The following ANHX variants were observed in gnomAD, a reference collection of about 807,000 sequenced individuals.
ANHX encodes anomalous homeobox.
A neutral mutation model predicts 38.9 loss-of-function variants in ANHX; 20 were observed. The ratio of observed to expected loss-of-function variants is 0.51; its 90% confidence interval spans 0.36 to 0.75. ANHX has a LOEUF of 0.75. ANHX is among the 30% of genes least tolerant of loss of function. The pLI is 0.00. For missense variants in ANHX, 475 were observed against 493.1 expected (o/e 0.96, Z 0.35); for synonymous variants, 185 against 203.1 (o/e 0.91, Z 0.76).
intron 8 of ANHX, among the ~76,000 whole-genome samples, chr12:133,219,650 C>A (rs1198630714): frequency 6.6e-6 from 1 of 152,084 alleles, no homozygotes; most frequent in Non-Finnish European, 1.5e-5. Flanking sequence ...GAAACAGAGA[C>A]CTCAAAGGAG....
chr12:133,224,794 T>C (rs573532411), intron 7 of ANHX, among the ~76,000 whole-genome samples: 1 of 149,904 alleles, frequency 6.7e-6, no homozygotes, highest in Non-Finnish European at 1.5e-5. Flanking sequence ...TGAAACCCCG[T>C]CTCTACTAAA....
At chr12:133,229,006 A>G (rs1418062382) in intron 3 of ANHX, among the ~76,000 whole-genome samples, 1 of 151,938 alleles carries the variant, frequency 6.6e-6, no homozygotes, top group Non-Finnish European at 1.5e-5. Context: ...CTTAACTGGC[A>G]CCTCCTCAGC....
At position 133,227,882 on chromosome 12, in the gene ANHX, C is replaced by A; in HGVS notation, c.443G>T (p.Arg148Leu). The A allele has an allele frequency of 6.5e-7, 1 of 1,533,710 alleles. No individual in the cohort carries two copies. The highest frequency in any genetic ancestry group is 8.7e-7 in the Non-Finnish European group (1 of 1,146,440). The change falls in exon 4 of 10, where the codon CGT (arginine) becomes CTT (leucine). Residue 148 changes from arginine (R) to leucine (L), a missense_variant. By Grantham distance (102) the Arg-to-Leu change is moderately radical. Coordinates refer to ENST00000545940, the MANE Select transcript of ANHX (RefSeq NM_001372060.1). ...LKSRNFPREVREKLHNFAVGV... is the reference protein window; with the variant it reads ...LKSRNFPREVLEKLHNFAVGV... The stretch of plus-strand genomic sequence containing the variant: ...CACAGCGAAATTGTGCAGCTTCTCA[C>A]GAACCTCTCTGGGGAAGTTCCGGCT...
In ANHX at chr12:133,225,941, A is replaced by G. The variant is rs181541122; in HGVS notation, c.840-113T>C. ...CTGGTGTGCAGTAGGAACTCAAGAG[A>G]TACTGGCTGGTATTAACTCAATGAA... On this transcript the variant is annotated intron_variant, in intron 6 of 9. Transcript: ENST00000545940. Among the ~76,000 whole-genome samples, 21 of 152,340 alleles carry G rather than the reference A, an allele frequency of 1.4e-4. No homozygotes were observed. The East Asian group carries it at 3.9e-3, about 28-fold the overall frequency.
At position 133,227,862 on chromosome 12, in the gene ANHX, C is replaced by A; in HGVS notation, c.463G>T (p.Ala155Ser). 6.5e-7 allele frequency: 1 copy of A among 1,534,228 alleles called. No homozygotes were observed. The highest frequency in any genetic ancestry group is 8.7e-7 in the Non-Finnish European group (1 of 1,146,558). The change falls in exon 4 of 10, where the codon GCT (alanine) becomes TCT (serine). Residue 155 changes from alanine to serine, a missense_variant. Ala to Ser is a moderately conservative substitution (Grantham distance 99). Transcript: ENST00000545940. ...CTGGGGTTGGTGTTCACCCCCACAG[C>A]GAAATTGTGCAGCTTCTCACGAACC... Reference protein sequence around the residue: ...REVREKLHNFAVGVNTNPSKA... With the variant: ...REVREKLHNFSVGVNTNPSKA...
chr12:133,235,698 C>T (rs1957367868), intron 1 of ANHX, 109 bp downstream of exon 1: 2 of 124,914 alleles, frequency 1.6e-5, no homozygotes, highest in Non-Finnish European at 3.5e-5. Context: ...CCCGCCTGCG[C>T]GCCCCTCACC....
At chr12:133,219,972 G>A (rs1957086793) in intron 8 of ANHX, among the ~76,000 whole-genome samples, 1 of 152,172 alleles carries the variant, frequency 6.6e-6, no homozygotes, top group Non-Finnish European at 1.5e-5. Flanking sequence ...GTCATGCAGA[G>A]CGAAGGAAGC....
At chr12:133,231,954 C>G (rs1957284957) in intron 2 of ANHX, among the ~76,000 whole-genome samples, 1 of 152,164 alleles carries the variant, frequency 6.6e-6, no homozygotes, top group African/African-American at 2.4e-5. Flanking sequence ...AAACCTTCAA[C>G]CCTCCCCAAA....
chr12:133,219,386 A>G lies in ANHX; in HGVS notation c.1281-19T>C. The G allele has an allele frequency of 6.7e-7, 1 of 1,494,768 alleles. No homozygotes were observed. The highest frequency in any genetic ancestry group is 2.5e-5 in the East Asian group (1 of 40,516). 92.6% of individuals were successfully genotyped at this position (1,494,768 alleles called of 1,614,324 possible). A position where few individuals can be genotyped will look rare whatever the true frequency, so the allele number is the denominator to read the frequency against. On this transcript the variant is annotated intron_variant, in intron 8 of 9. Transcript: ENST00000545940. ...TGGAGGGCTGGAAAAGAGACAGTGT[A>G]AGAATAGGCCCTATCTCAAGGGGAC... is the stretch of plus-strand genomic sequence containing the variant.
intron 7 of ANHX, among the ~76,000 whole-genome samples, chr12:133,222,931 C>G (rs1957131091): frequency 6.6e-6 from 1 of 152,216 alleles, no homozygotes; most frequent in Non-Finnish European, 1.5e-5. Context: ...TGGCTCATGC[C>G]TGTAATCCCA....
intron 3 of ANHX, among the ~76,000 whole-genome samples, chr12:133,229,416 CCA>C (rs1469769660): frequency 6.6e-6 from 1 of 152,284 alleles, no homozygotes; most frequent in East Asian, 1.9e-4. Context: ...TCCCCCCTCT[CCA>C]GACTTTTCCC....
intron 9 of ANHX, 146 bp from the exon 10 acceptor site, chr12:133,219,117 C>G: frequency 1.0e-6 from 1 of 1,002,644 alleles, no homozygotes; most frequent in Non-Finnish European, 1.5e-6. Context: ...CATCCCTCAC[C>G]CCAGCTCCCA....
chr12:133,219,346 G>A lies in ANHX; in HGVS notation c.1302C>T (p.Ala434=), dbSNP rs1423801381. Residue 434 remains alanine, a synonymous_variant, in exon 9 of 10, where the codon GCC becomes GCT. Transcript: ENST00000545940. ...LTQSPPELAP[A]PSAFPGPVSA... is the part of the protein sequence containing the mutation. ...ACACAGGGCCGGGGAAGGCAGATGGGGCTGGGGCCAGCTCTGGAGGGCTGG... is the reference window on the plus strand; with the variant it reads ...ACACAGGGCCGGGGAAGGCAGATGGAGCTGGGGCCAGCTCTGGAGGGCTGG... The A allele has an allele frequency of 3.9e-6, 6 of 1,534,098 alleles. No homozygotes were observed. The highest frequency in any genetic ancestry group is 5.2e-6 in the Non-Finnish European group (6 of 1,145,912).
chr12:133,232,315 T>TGACGGAGGATGCCTGGTGCTGG (rs1555308179), intron 2 of ANHX, among the ~76,000 whole-genome samples: 17 of 152,220 alleles, frequency 1.1e-4, no homozygotes, highest in African/African-American at 2.2e-4. Context: ...ATTTCCTTAA[T>TGACGGAGGATGCCTGGTGCTGG]TCCAATCATC....
chr12:133,223,738 A>T (rs1957146357), intron 7 of ANHX, among the ~76,000 whole-genome samples: 2 of 151,972 alleles, frequency 1.3e-5, no homozygotes, highest in Non-Finnish European at 2.9e-5. Flanking sequence ...GAGTCACTGC[A>T]CCCGGCCAGG....
At chr12:133,224,731 C>A (rs571910159) in intron 7 of ANHX, among the ~76,000 whole-genome samples, 5 of 147,332 alleles carry the variant, frequency 3.4e-5, no homozygotes, top group African/African-American at 7.5e-5. Flanking sequence ...TTTGGGAGGC[C>A]GAGGCGGGCG....
Position 133,218,941 on chromosome 12 carries a change from C to T in ANHX, c.1396G>A (p.Asp466Asn). The change falls in exon 10 of 10, where the codon GAT (aspartate) becomes AAT (asparagine). Residue 466 changes from aspartate to asparagine, a missense_variant. Coordinates refer to ENST00000545940, the MANE Select transcript of ANHX (RefSeq NM_001372060.1). The part of the protein sequence containing the change: ...VQCSDSQASG[D>N]AFWGARMLLE... ...AGCATCCTGGCTCCCCAGAAGGCATCACCAGAGGCCTGGCTATCAGAACAC... is the reference window on the plus strand; with the variant it reads ...AGCATCCTGGCTCCCCAGAAGGCATTACCAGAGGCCTGGCTATCAGAACAC... The T allele has an allele frequency of 6.5e-7, 1 of 1,534,564 alleles. No individual in the cohort carries two copies. The highest frequency in any genetic ancestry group is 8.7e-7 in the Non-Finnish European group (1 of 1,145,782).
At chr12:133,219,557 G>A (rs1329999297) in intron 8 of ANHX, among the ~76,000 whole-genome samples, 190 bp from the exon 9 acceptor site, 1 of 152,180 alleles carries the variant, frequency 6.6e-6, no homozygotes, top group Non-Finnish European at 1.5e-5. Context: ...ACAGAGAGCA[G>A]GGTCACCCGG....
chr12:133,229,557 C>T (rs1366952918), intron 3 of ANHX, among the ~76,000 whole-genome samples: 1 of 152,134 alleles, frequency 6.6e-6, no homozygotes, highest in East Asian at 1.9e-4. Flanking sequence ...AGCAAACCCC[C>T]CAGCTCCACC....
Sources: allele counts gnomAD v4.1 joint callset (sites outside exome capture counted in the v4.1 genomes callset), GRCh38; gene constraint gnomAD v4.1.1; transcripts MANE v1.5; gene names NCBI Gene and HGNC (gene_info 2026-07-23, HGNC 2026-07-21).